DLGAP2: variants seen among roughly 807,000 people sequenced by gnomAD.
DLGAP2 encodes the protein disks large-associated protein 2.
In DLGAP2, 26 loss-of-function variants were observed where a neutral mutation model predicts 100.3. The ratio of observed to expected loss-of-function variants is 0.26; its 90% CI spans 0.19 to 0.36. The LOEUF (loss-of-function observed/expected upper bound fraction) is 0.36. Among genes scored for constraint, DLGAP2 ranks in the 10% least tolerant of loss-of-function variants. The pLI, the probability that DLGAP2 is intolerant of heterozygous loss-of-function variation, is 1.00. For missense variants in DLGAP2, 1,858 were observed against 1,453.2 expected (o/e 1.28, Z -4.53); for synonymous variants, 886 against 630.1 (o/e 1.41, Z -6.08).
chr8:1,684,520 T>A (rs1293505187), intron 12 of DLGAP2, among the ~76,000 whole-genome samples: 2 of 152,134 alleles, frequency 1.3e-5, no homozygotes, highest in Non-Finnish European at 2.9e-5. Flanking sequence ...ATTTCCATTA[T>A]ATGAAGTAAT....
chr8:1,189,832 A>C (rs887574590), intron 2 of DLGAP2, among the ~76,000 whole-genome samples: 3 of 152,196 alleles, frequency 2.0e-5, no homozygotes, highest in African/African-American at 7.2e-5. Context: ...GAGGGCAAGA[A>C]GGGGCTGCTC....
At chr8:869,760 C>G (rs1361590412) in intron 1 of DLGAP2, among the ~76,000 whole-genome samples, 1 of 152,142 alleles carries the variant, frequency 6.6e-6, no homozygotes, top group Non-Finnish European at 1.5e-5. Flanking sequence ...GCCTGTTTCC[C>G]CAAATCTGGG....
At chr8:1,079,725 A>G (rs903218870) in intron 2 of DLGAP2, among the ~76,000 whole-genome samples, 1 of 152,206 alleles carries the variant, frequency 6.6e-6, no homozygotes, top group Non-Finnish European at 1.5e-5. Context: ...TTGGGAGGAC[A>G]GGCATGGACA....
intron 1 of DLGAP2, among the ~76,000 whole-genome samples, chr8:853,684 C>G (rs995142042): frequency 6.6e-6 from 1 of 152,216 alleles, no homozygotes; most frequent in African/African-American, 2.4e-5. Flanking sequence ...CACACCGCCC[C>G]GTGCACAGGC....
At chr8:1,078,295 C>A (rs985470819) in intron 2 of DLGAP2, among the ~76,000 whole-genome samples, 5 of 152,170 alleles carry the variant, frequency 3.3e-5, no homozygotes, top group Admixed American at 2.6e-4. Flanking sequence ...AAGCATTGAG[C>A]TGAAATTACA....
intron 8 of DLGAP2, among the ~76,000 whole-genome samples, chr8:1,649,062 T>C (rs1382440709): frequency 2.0e-5 from 3 of 152,188 alleles, no homozygotes; most frequent in Non-Finnish European, 4.4e-5. Context: ...TCATTGCCTG[T>C]GACGCTTCAA....
chr8:962,020 A>G (rs1799736373), intron 2 of DLGAP2, among the ~76,000 whole-genome samples: 2 of 152,226 alleles, frequency 1.3e-5, no homozygotes, highest in African/African-American at 4.8e-5. Context: ...TTCAGGCTAT[A>G]GTAGTTAGAA....
chr8:995,999 G>T (rs1800773446), intron 2 of DLGAP2, among the ~76,000 whole-genome samples: 1 of 152,152 alleles, frequency 6.6e-6, no homozygotes, highest in Non-Finnish European at 1.5e-5. Flanking sequence ...TTTTCCATGT[G>T]GTTCTGAAGT....
chr8:1,121,656 A>G (rs925638951), intron 2 of DLGAP2, among the ~76,000 whole-genome samples: 6 of 149,408 alleles, frequency 4.0e-5, no homozygotes, highest in Admixed American at 3.3e-4. Flanking sequence ...ACCCATCCTC[A>G]TGTCTTCAGA....
intron 3 of DLGAP2, among the ~76,000 whole-genome samples, chr8:1,488,616 A>T (rs1335639121): frequency 1.3e-5 from 2 of 152,198 alleles, no homozygotes; most frequent in African/African-American, 2.4e-5. Context: ...GCCACACAGG[A>T]GAAAACAGGG....
intron 3 of DLGAP2, among the ~76,000 whole-genome samples, chr8:1,423,254 T>C (rs898555788): frequency 2.0e-5 from 3 of 150,660 alleles, no homozygotes; most frequent in Non-Finnish European, 3.0e-5. Context: ...GAACTCTACT[T>C]AGTCACAGCT....
intron 8 of DLGAP2, among the ~76,000 whole-genome samples, chr8:1,642,835 C>G (rs367922937): frequency 8.8e-4 from 1 of 1,136 alleles, no homozygotes. Flanking sequence ...GTGTCACCCT[C>G]GAACCCGCCG....
chr8:1,452,729 C>T (rs564477925), intron 3 of DLGAP2, among the ~76,000 whole-genome samples: 42 of 152,152 alleles, frequency 2.8e-4, no homozygotes, highest in Admixed American at 2.3e-3. Flanking sequence ...CCACAGCAGC[C>T]GGGGTCAGGC....
intron 2 of DLGAP2, among the ~76,000 whole-genome samples, chr8:961,095 C>T (rs1584926268): frequency 6.6e-6 from 1 of 152,210 alleles, no homozygotes; most frequent in Admixed American, 6.5e-5. Flanking sequence ...GATACTTAGA[C>T]GTTGTACATA....
chr8:1,207,571 G>T (rs2116777070), intron 2 of DLGAP2, among the ~76,000 whole-genome samples: 1 of 152,204 alleles, frequency 6.6e-6, no homozygotes, highest in East Asian at 1.9e-4. Flanking sequence ...CTTTTCTTCT[G>T]GGCAGATACT....
At chr8:1,523,376 G>A (rs1450785947) in intron 4 of DLGAP2, among the ~76,000 whole-genome samples, 1 of 152,212 alleles carries the variant, frequency 6.6e-6, no homozygotes, top group African/African-American at 2.4e-5. Context: ...CAGCACAGAC[G>A]GGGGATTTGC....
intron 2 of DLGAP2, among the ~76,000 whole-genome samples, chr8:1,110,030 C>A: frequency 7.6e-6 from 1 of 132,066 alleles, no homozygotes; most frequent in African/African-American, 3.0e-5. Context: ...GTGAGGTGTG[C>A]ACGTGCCTAT....
At chr8:1,252,737 C>T (rs3923942) in intron 2 of DLGAP2, among the ~76,000 whole-genome samples, 3 of 152,166 alleles carry the variant, frequency 2.0e-5, no homozygotes, top group Non-Finnish European at 4.4e-5. Flanking sequence ...GGCAGGCCTG[C>T]TGTCATCTAG....
In DLGAP2 at chr8:1,549,503, G is replaced by C. The variant is rs1349496664; in HGVS notation, c.1050G>C (p.Lys350Asn). Reference sequence around the variant, plus strand: ...CCTCCAAGAGCAACAACGACGTCAAGTGCTCGGCCTGTGAGGGGTTGGCGC... The same window carrying C: ...CCTCCAAGAGCAACAACGACGTCAACTGCTCGGCCTGTGAGGGGTTGGCGC... ...LKTSKSNNDVKCSACEGLALT... is the reference protein window; with the variant it reads ...LKTSKSNNDVNCSACEGLALT... The change falls in exon 5 of 15, where the codon AAG becomes AAC. Residue 350 changes from lysine (K) to asparagine (N), a missense_variant. By Grantham distance (94) the Lys-to-Asn change is moderately conservative. Transcript: ENST00000637795. 6.2e-7 allele frequency: 1 copy of C among 1,613,414 alleles called. No individual in the cohort carries two copies. Among genetic ancestry groups the C allele is most frequent in the African/African-American group, 1.3e-5 (1 of 74,952 alleles).
Sources: allele counts gnomAD v4.1 joint callset (sites outside exome capture counted in the v4.1 genomes callset), GRCh38; gene constraint gnomAD v4.1.1; transcripts MANE v1.5; gene names NCBI Gene and HGNC (gene_info 2026-07-23, HGNC 2026-07-21).